The following PKD2 variants were observed in gnomAD, a reference collection of about 807,000 sequenced individuals.
PKD2 encodes polycystin 2, transient receptor potential cation channel.
PKD2 carries 48 observed loss-of-function variants against 105.9 expected under a neutral mutation model. The observed-to-expected ratio is 0.45, with a 90% CI of 0.36 to 0.58. The LOEUF is 0.58. Among genes scored for constraint, PKD2 ranks in the 20% least tolerant of loss-of-function variants. The pLI, the probability that PKD2 is intolerant of heterozygous loss-of-function variation, is 0.00. For synonymous variants in PKD2, 464 were observed against 481.1 expected (o/e 0.96, Z 0.46); for missense variants, 1,078 against 1,255.3 (o/e 0.86, Z 2.13).
chr4:88,025,174 A>G (rs564886443), intron 2 of PKD2, among the ~76,000 whole-genome samples: 2 of 149,710 alleles, frequency 1.3e-5, no homozygotes, highest in African/African-American at 2.5e-5. Flanking sequence ...AAAAGAATCC[A>G]TGGGCAGGCA....
At chr4:88,043,500 GTACA>G (rs1333738647) in intron 5 of PKD2, 43 bp downstream of exon 5, 1 of 1,362,578 alleles carries the variant, frequency 7.3e-7, no homozygotes, top group South Asian at 1.2e-5. Context: ...CTGTGTGGTT[GTACA>G]TACATCCTAT....
chr4:88,053,907 A>G (rs1446650177), intron 7 of PKD2, among the ~76,000 whole-genome samples: 1 of 152,210 alleles, frequency 6.6e-6, no homozygotes, highest in Non-Finnish European at 1.5e-5. Flanking sequence ...TGTGGCTAGT[A>G]GGACCAAGGG....
At chr4:88,073,341 G>A (rs902873434) in intron 13 of PKD2, among the ~76,000 whole-genome samples, 6 of 151,726 alleles carry the variant, frequency 4.0e-5, no homozygotes, top group African/African-American at 9.7e-5. Flanking sequence ...CCTGGCCAAC[G>A]TGGTGAAACC....
intron 2 of PKD2, among the ~76,000 whole-genome samples, chr4:88,033,192 C>T (rs1353960804): frequency 2.0e-5 from 3 of 151,998 alleles, no homozygotes; most frequent in Non-Finnish European, 4.4e-5. Flanking sequence ...TTTGGGAGGC[C>T]GAGCAGGGAG....
In PKD2 at chr4:88,038,337, C is replaced by CT; in HGVS notation, c.931dup (p.Tyr311LeufsTer2). 1 of 1,614,048 alleles carries CT rather than the reference C, an allele frequency of 6.2e-7. No homozygotes were observed. Among genetic ancestry groups the CT allele is most frequent in the Non-Finnish European group, 8.5e-7 (1 of 1,179,910 alleles). ...AAGCTGACAACCGAAGTTTCATCTTCTATGAGAACCTGCTGTTAGGGGTTC... is the reference window on the plus strand; with the variant it reads ...AAGCTGACAACCGAAGTTTCATCTTCTTATGAGAACCTGCTGTTAGGGGTTC... On this transcript the variant is annotated frameshift_variant, in exon 4 of 15. Transcript: ENST00000237596. LOFTEE classifies it high-confidence loss of function.
At chr4:88,034,548 A>G (rs1298449175) in intron 2 of PKD2, among the ~76,000 whole-genome samples, 1 of 151,730 alleles carries the variant, frequency 6.6e-6, no homozygotes, top group African/African-American at 2.4e-5. Context: ...CATGCCTGTA[A>G]TCCCAGCTAC....
chr4:88,047,922 A>G (rs923839606), intron 6 of PKD2, among the ~76,000 whole-genome samples: 2 of 152,212 alleles, frequency 1.3e-5, no homozygotes, highest in African/African-American at 2.4e-5. Flanking sequence ...TGACTCTATT[A>G]TAACTTCTAA....
At chr4:88,060,907 TTTTCCCATTTTATTAATGTA>T (rs1720547864) in intron 9 of PKD2, among the ~76,000 whole-genome samples, 1 of 152,184 alleles carries the variant, frequency 6.6e-6, no homozygotes, top group South Asian at 2.1e-4. Context: ...ATACTATTAT[TTTTCCCATTTTATTAATGTA>T]AAACAATTAA....
chr4:88,031,379 G>C (rs538282646), intron 2 of PKD2, among the ~76,000 whole-genome samples: 7 of 152,216 alleles, frequency 4.6e-5, no homozygotes, highest in Admixed American at 4.6e-4. Flanking sequence ...AATTTATAGA[G>C]TCCCTTCAAA....
At chr4:88,053,175 A>G (rs998802502) in intron 7 of PKD2, among the ~76,000 whole-genome samples, 1 of 152,208 alleles carries the variant, frequency 6.6e-6, no homozygotes, top group African/African-American at 2.4e-5. Flanking sequence ...AAATACAATT[A>G]AAAACGCAGT....
Position 88,075,700 on chromosome 4 carries a change from G to T in PKD2, c.*6G>T. On this transcript the variant is annotated 3_prime_UTR_variant, in exon 15 of 15. Coordinates refer to ENST00000237596, the MANE Select transcript of PKD2 (RefSeq NM_000297.4). ...GTTCTAATGTCCACGTATGATATGT[G>T]TGTTTCAGTATGTGTGTTTCTAATA... The T allele has an allele frequency of 6.3e-7, 1 of 1,587,792 alleles. No homozygotes were observed. Among genetic ancestry groups the T allele is most frequent in the Non-Finnish European group, 8.6e-7 (1 of 1,156,810 alleles).
intron 2 of PKD2, among the ~76,000 whole-genome samples, chr4:88,035,286 A>T (rs1261102779): frequency 6.6e-6 from 1 of 152,194 alleles, no homozygotes; most frequent in Admixed American, 6.5e-5. Flanking sequence ...CATGGCAAGG[A>T]TGTAGTTCGA....
intron 4 of PKD2, among the ~76,000 whole-genome samples, chr4:88,040,918 A>G (rs1018833855): frequency 6.6e-6 from 1 of 152,116 alleles, no homozygotes; most frequent in Admixed American, 6.6e-5. Context: ...TTCTTCAACA[A>G]TGTGCCAGGC....
chr4:88,057,930 A>C, intron 8 of PKD2, 53 bp from the exon 9 acceptor site: 1 of 1,361,642 alleles, frequency 7.3e-7, no homozygotes, highest in Admixed American at 1.7e-5. Flanking sequence ...TGTTGCATCA[A>C]CTAGTGGACA....
chr4:88,034,663 C>T (rs1359784596), intron 2 of PKD2, among the ~76,000 whole-genome samples: 4 of 125,440 alleles, frequency 3.2e-5, no homozygotes, highest in East Asian at 2.4e-4. Context: ...AGTGAAACTC[C>T]GTCTCAAAAA....
Position 88,075,038 on chromosome 4 carries a change from T to C in PKD2, c.2670+79T>C. On this transcript the variant is annotated intron_variant, in intron 14 of 14. Transcript: ENST00000237596. Reference sequence around the variant, plus strand: ...AATATATGTTGCTGACAGTTGTATTTGAAGTATTGAAGAAGAGTAAAAAAA... The same window carrying C: ...AATATATGTTGCTGACAGTTGTATTCGAAGTATTGAAGAAGAGTAAAAAAA... 2.0e-6 allele frequency: 3 copies of C among 1,475,156 alleles called. No homozygotes were observed. In the South Asian group the frequency reaches 3.4e-5, roughly 17 times the overall value. The allele number at this position is 1,475,156 out of a possible 1,614,324, so 91.4% of individuals were successfully genotyped here. A position where few individuals can be genotyped will look rare whatever the true frequency, so the allele number is the denominator to read the frequency against.
At chr4:88,018,867 T>A (rs1726651278) in intron 1 of PKD2, among the ~76,000 whole-genome samples, 1 of 152,252 alleles carries the variant, frequency 6.6e-6, no homozygotes, top group Admixed American at 6.5e-5. Flanking sequence ...ACGCTTAGTG[T>A]AATCAGTCAC....
rs768940917 is a variant in PKD2, at chr4:88,056,278, A to T, written c.1898+11A>T. 4 of 1,578,234 alleles carry T rather than the reference A, an allele frequency of 2.5e-6. No homozygotes were observed. In the African/African-American group the frequency reaches 4.1e-5, roughly 16 times the overall value. On this transcript the variant is annotated intron_variant, in intron 8 of 14. Transcript: ENST00000237596. ...TTTCCAAGAGTGTATGTAAGTATAT[A>T]TGAAATTAAGAAGAAAAATTTAATC...
At chr4:88,051,347 T>C (rs1720088429) in intron 6 of PKD2, among the ~76,000 whole-genome samples, 1 of 152,232 alleles carries the variant, frequency 6.6e-6, no homozygotes, top group Non-Finnish European at 1.5e-5. Flanking sequence ...CTTGACTTTA[T>C]GTTGTGTGAT....
Sources: gnomAD v4.1 joint callset for allele counts (sites outside exome capture counted in the v4.1 genomes callset) on GRCh38, gnomAD v4.1.1 for gene constraint, MANE v1.5 for transcripts, NCBI Gene and HGNC (gene_info 2026-07-23, HGNC 2026-07-21) for gene names.